The following RNF157 variants were observed in gnomAD, a reference collection of about 807,000 sequenced individuals.
The protein encoded by RNF157 is E3 ubiquitin ligase RNF157.
In RNF157, 55 loss-of-function variants were observed where a neutral mutation model predicts 88.3. The ratio of observed to expected loss-of-function variants is 0.62; its 90% CI spans 0.50 to 0.78. The LOEUF is 0.78. Ranked by LOEUF, RNF157 falls within the 30% of genes least tolerant of loss-of-function variation. The pLI is 0.00. For synonymous variants in RNF157, 334 were observed against 341.2 expected, an observed-to-expected ratio of 0.98 and a Z score of 0.23; for missense variants, 788 against 860.8, an observed-to-expected ratio of 0.92 and a Z score of 1.06.
intron 1 of RNF157, among the ~76,000 whole-genome samples, chr17:76,231,187 C>A (rs1270033253): frequency 6.6e-6 from 1 of 152,062 alleles, no homozygotes; most frequent in Non-Finnish European, 1.5e-5. Flanking sequence ...TTAGCAGAGA[C>A]AGGGTTTCAC....
intron 2 of RNF157, 71 bp from the exon 3 acceptor site, chr17:76,173,861 T>A: frequency 3.1e-6 from 4 of 1,307,058 alleles, no homozygotes; most frequent in Non-Finnish European, 4.3e-6. Flanking sequence ...GCTTTACAGT[T>A]TGCCAAGAAT....
chr17:76,205,760 T>TAAATAAATAAATAAAA (rs1555660011), intron 2 of RNF157, among the ~76,000 whole-genome samples: 3 of 148,354 alleles, frequency 2.0e-5, no homozygotes, highest in African/African-American at 7.5e-5. Flanking sequence ...AATAAATAAA[T>TAAATAAATAAATAAAA]AAAATAATAA....
intron 2 of RNF157, among the ~76,000 whole-genome samples, chr17:76,187,072 C>A (rs1301132198): frequency 6.6e-6 from 1 of 152,072 alleles, no homozygotes; most frequent in Non-Finnish European, 1.5e-5. Flanking sequence ...ACATGGAATT[C>A]AAAGCCCTGG....
At chr17:76,201,359 T>C (rs1317402561) in intron 2 of RNF157, among the ~76,000 whole-genome samples, 1 of 150,780 alleles carries the variant, frequency 6.6e-6, no homozygotes, top group African/African-American at 2.4e-5. Context: ...GAAAAAATTT[T>C]AAATTAGCTG....
In RNF157 at chr17:76,226,099, G is replaced by A. The variant is rs1313561726; in HGVS notation, c.89-13617C>T. ...TCCTATTTGGAGAGCCCCTGGTAGA[G>A]GGGCTATGCTGAGGAGACCCCAGAT... On this transcript the variant is annotated intron_variant, in intron 1 of 18. Coordinates refer to ENST00000269391, the MANE Select transcript of RNF157 (RefSeq NM_052916.3). 11 of 1,600,756 alleles carry A rather than the reference G, an allele frequency of 6.9e-6. No homozygotes were observed. The African/African-American group carries it at 8.1e-5, about 12-fold the overall frequency.
At chr17:76,205,380 C>T (rs1288361551) in intron 2 of RNF157, among the ~76,000 whole-genome samples, 2 of 151,822 alleles carry the variant, frequency 1.3e-5, no homozygotes, top group African/African-American at 4.8e-5. Context: ...GTGATCCTCC[C>T]GCCTCAGCCT....
chr17:76,177,580 G>A (rs888761697), intron 2 of RNF157, among the ~76,000 whole-genome samples: 29 of 151,886 alleles, frequency 1.9e-4, no homozygotes, highest in Non-Finnish European at 7.4e-5. Context: ...CTTCAGGGAG[G>A]ACGTGAAGGC....
At chr17:76,217,599 A>G (rs2069911069) in intron 1 of RNF157, among the ~76,000 whole-genome samples, 1 of 152,094 alleles carries the variant, frequency 6.6e-6, no homozygotes, top group South Asian at 2.1e-4. Context: ...GCTTATGCAT[A>G]TTTTTACTTC....
chr17:76,155,863 TA>T (rs1204524551), intron 14 of RNF157, 129 bp from the exon 15 acceptor site: 2 of 831,118 alleles, frequency 2.4e-6, no homozygotes, highest in Non-Finnish European at 3.6e-6. Context: ...TGCCCTCCCC[TA>T]AAAGTGGTTT....
intron 1 of RNF157, among the ~76,000 whole-genome samples, chr17:76,227,166 G>A (rs1318957124): frequency 1.3e-4 from 20 of 150,870 alleles, no homozygotes; most frequent in Non-Finnish European, 1.5e-5. Flanking sequence ...GCCTAGGCTG[G>A]AGTGCAATGA....
At position 76,145,087 on chromosome 17, in the gene RNF157, G is replaced by A; in HGVS notation, c.*148C>T. The stretch of plus-strand genomic sequence containing the variant: ...GGAGGGTTCCAGTTCCCTCTGAGAG[G>A]TGAGGGATTGTGGTTACAGGTTGTA... On this transcript the variant is annotated 3_prime_UTR_variant, in exon 19 of 19. Coordinates refer to ENST00000269391, the MANE Select transcript of RNF157 (RefSeq NM_052916.3). 1.7e-6 allele frequency: 1 copy of A among 593,776 alleles called. No homozygotes were observed. The highest frequency in any genetic ancestry group is 3.0e-6 in the Non-Finnish European group (1 of 330,210). The allele number at this position is 593,776 out of a possible 1,614,324, so 36.8% of individuals were successfully genotyped here. A position where few individuals can be genotyped will look rare whatever the true frequency, so the allele number is the denominator to read the frequency against.
At position 76,159,422 on chromosome 17, in the gene RNF157, T is replaced by C. The variant is rs757170132; in HGVS notation, c.1217A>G (p.His406Arg). 1.2e-6 allele frequency: 2 copies of C among 1,613,150 alleles called. No homozygotes were observed. Among genetic ancestry groups the C allele is most frequent in the South Asian group, 2.2e-5 (2 of 90,696 alleles). The change falls in exon 12 of 19, where the codon CAC becomes CGC. Residue 406 changes from histidine (H) to arginine (R), a missense_variant. Transcript: ENST00000269391. ...CGAGATCGTCCTGACGGGGGGCAGGTGGCCATCACTGCCATATGAAGGGAG... is the reference window on the plus strand; with the variant it reads ...CGAGATCGTCCTGACGGGGGGCAGGCGGCCATCACTGCCATATGAAGGGAG... ...GMLPSYGSDG[H>R]LPPVRTISPL... is the part of the protein sequence containing the mutation.
intron 2 of RNF157, among the ~76,000 whole-genome samples, chr17:76,190,153 C>A (rs1370396392): frequency 6.6e-6 from 1 of 150,488 alleles, no homozygotes; most frequent in African/African-American, 2.4e-5. Context: ...AGTGCTCAGG[C>A]TAACTGCTTG....
At chr17:76,149,090 T>A (rs1367748991) in intron 18 of RNF157, among the ~76,000 whole-genome samples, 3 of 151,814 alleles carry the variant, frequency 2.0e-5, no homozygotes, top group Admixed American at 2.0e-4. Context: ...AACACACTAC[T>A]CCCCAGTGAA....
intron 2 of RNF157, among the ~76,000 whole-genome samples, chr17:76,194,602 T>C (rs1049105509): frequency 6.6e-6 from 1 of 152,236 alleles, no homozygotes; most frequent in Non-Finnish European, 1.5e-5. Flanking sequence ...TCCATGATTG[T>C]ATAATATACA....
intron 2 of RNF157, among the ~76,000 whole-genome samples, chr17:76,204,042 C>G (rs1371355518): frequency 1.3e-5 from 2 of 152,170 alleles, no homozygotes; most frequent in Non-Finnish European, 2.9e-5. Flanking sequence ...GCTGGGATTA[C>G]AGGCGTGAGC....
chr17:76,190,363 C>T (rs2069364428), intron 2 of RNF157, among the ~76,000 whole-genome samples: 3 of 151,950 alleles, frequency 2.0e-5, no homozygotes, highest in Admixed American at 6.6e-5. Context: ...GACGGAGTTT[C>T]GCCATGTTGG....
At position 76,175,766 on chromosome 17, in the gene RNF157, A is replaced by T. The variant is rs539057273; in HGVS notation, c.208-1976T>A. 20 of 985,226 alleles carry T rather than the reference A, an allele frequency of 2.0e-5. 1 individual carries two copies. In the African/African-American group the frequency reaches 2.8e-4, roughly 14 times the overall value. 61.0% of individuals were successfully genotyped at this position (985,226 alleles called of 1,614,324 possible). A position where few individuals can be genotyped will look rare whatever the true frequency, so the allele number is the denominator to read the frequency against. ...CTCCTACCTGCATTTCAAAAAAAAG[A>T]TGCGTCTTTTCCCTTATTCTTTACT... On this transcript the variant is annotated intron_variant, in intron 2 of 18. Transcript: ENST00000269391.
At position 76,195,931 on chromosome 17, in the gene RNF157, C is replaced by T. The variant is rs185290355; in HGVS notation, c.207+16433G>A. Among the ~76,000 whole-genome samples the T allele has an allele frequency of 2.0e-5, 3 of 152,326 alleles. 1 individual carries two copies. In the East Asian group the frequency reaches 5.8e-4, roughly 29 times the overall value. On this transcript the variant is annotated intron_variant, in intron 2 of 18. Transcript: ENST00000269391. The surrounding 1 kb of genome is among the most constrained non-coding windows in gnomAD (Gnocchi z 4.4). ...TCAGTTTACTATTGCCACGGCAACA[C>T]CTGGAAGTTACCACCCTCTTTCATG...
Sources: allele counts gnomAD v4.1 joint callset (sites outside exome capture counted in the v4.1 genomes callset), GRCh38; gene constraint gnomAD v4.1.1; non-coding constraint Gnocchi (gnomAD v3.1); transcripts MANE v1.5; gene names NCBI Gene and HGNC (gene_info 2026-07-23, HGNC 2026-07-21).